MYOF: variants seen among roughly 807,000 people sequenced by gnomAD.
The protein encoded by MYOF is fer-1-like 3, myoferlin.
MYOF carries 244 observed loss-of-function variants against 284.2 expected under a neutral mutation model. The observed-to-expected ratio is 0.86, with a 90% CI of 0.77 to 0.95. The LOEUF (loss-of-function observed/expected upper bound fraction) is 0.95, where lower values mean the gene tolerates loss of function less well. Ranked by LOEUF, MYOF falls within the 40% of genes least tolerant of loss-of-function variation. The pLI, the probability that MYOF is intolerant of heterozygous loss-of-function variation, is 0.00. For synonymous variants in MYOF, 904 were observed against 919.7 expected (o/e 0.98, Z 0.31); for missense variants, 2,496 against 2,560.6 (o/e 0.97, Z 0.54).
chr10:93,307,930 C>T (rs963511009), intron 53 of MYOF, among the ~76,000 whole-genome samples: 7 of 150,604 alleles, frequency 4.6e-5, no homozygotes, highest in Non-Finnish European at 1.0e-4. Flanking sequence ...CGGCTGCCAA[C>T]AGAATCTAAA....
intron 2 of MYOF, among the ~76,000 whole-genome samples, chr10:93,453,675 G>T (rs2056657940): frequency 6.6e-6 from 1 of 152,150 alleles, no homozygotes; most frequent in Non-Finnish European, 1.5e-5. Flanking sequence ...GGGAGGCTGA[G>T]GCAAGGAGTT....
chr10:93,424,929 A>ACTT (rs1848514918), intron 5 of MYOF, among the ~76,000 whole-genome samples: 1 of 77,738 alleles, frequency 1.3e-5, no homozygotes, highest in Non-Finnish European at 2.3e-5. Context: ...GGAGAATTCC[A>ACTT]TTTTTTTTTT....
In MYOF at chr10:93,306,761, T is replaced by C; in HGVS notation, c.*202A>G. The C allele has an allele frequency of 1.8e-6, 1 of 570,344 alleles. No individual in the cohort carries two copies. Among genetic ancestry groups the C allele is most frequent in the South Asian group, 2.5e-5 (1 of 39,998 alleles). 35.3% of individuals were successfully genotyped at this position (570,344 alleles called of 1,614,324 possible). ...CTTTAGAAAATAAAACTTTTAATAC[T>C]TAAGAGATAACATGATGCAAACGTT... On this transcript the variant is annotated 3_prime_UTR_variant, in exon 54 of 54. Coordinates refer to ENST00000359263, the MANE Select transcript of MYOF (RefSeq NM_013451.4).
intron 16 of MYOF, among the ~76,000 whole-genome samples, chr10:93,393,245 G>A (rs1012827798): frequency 1.3e-5 from 2 of 152,188 alleles, no homozygotes; most frequent in Non-Finnish European, 2.9e-5. Context: ...GGGGCCTGGC[G>A]AAGTTACCAG....
chr10:93,459,314 T>C (rs2056821948), intron 1 of MYOF, among the ~76,000 whole-genome samples: 1 of 152,186 alleles, frequency 6.6e-6, no homozygotes, highest in East Asian at 1.9e-4. Context: ...ATGCAAAGAA[T>C]TTTTAACTTA....
chr10:93,309,882 C>T (rs1564606411), intron 53 of MYOF, 138 bp downstream of exon 53: 1 of 1,040,060 alleles, frequency 9.6e-7, no homozygotes, highest in Non-Finnish European at 1.3e-6. Flanking sequence ...CTTTAAATTT[C>T]CCCAAAGCAG....
chr10:93,460,981 G>C (rs1977836), intron 1 of MYOF, among the ~76,000 whole-genome samples: 2,920 of 151,748 alleles, frequency 0.019, 31 homozygotes, highest in Non-Finnish European at 0.029. Flanking sequence ...TGTAATCCCC[G>C]ATACTCGGGT....
intron 1 of MYOF, among the ~76,000 whole-genome samples, chr10:93,469,994 C>T (rs982055135): frequency 6.6e-6 from 1 of 151,986 alleles, no homozygotes; most frequent in Non-Finnish European, 1.5e-5. Context: ...TTTGGGAGGC[C>T]AAGGCGGGCA....
intron 3 of MYOF, among the ~76,000 whole-genome samples, chr10:93,434,528 G>T (rs1399166568): frequency 4.0e-5 from 6 of 151,548 alleles, no homozygotes; most frequent in Non-Finnish European, 8.8e-5. Context: ...AGCCCTTTTT[G>T]GTCAATACAG....
intron 43 of MYOF, among the ~76,000 whole-genome samples, chr10:93,331,720 G>C (rs2797585): frequency 1.4e-5 from 2 of 138,790 alleles, no homozygotes; most frequent in South Asian, 2.4e-4. Context: ...GGGGTGGGGG[G>C]TGGGCAGGTG....
chr10:93,314,961 GGATC>G (rs1442328037), intron 50 of MYOF, among the ~76,000 whole-genome samples: 1 of 152,148 alleles, frequency 6.6e-6, no homozygotes, highest in East Asian at 1.9e-4. Flanking sequence ...GAGGTTGGGA[GGATC>G]GCCTGAGCCC....
At chr10:93,371,595 A>G (rs2422205) in intron 24 of MYOF, among the ~76,000 whole-genome samples, 34,219 of 152,182 alleles carry the variant, frequency 0.22, 5,455 homozygotes, top group East Asian at 0.86. Flanking sequence ...TATGTAATTG[A>G]TGTAATTTAT....
At chr10:93,361,338 G>T in intron 28 of MYOF, 114 bp downstream of exon 28, 3 of 976,600 alleles carry the variant, frequency 3.1e-6, no homozygotes, top group Middle Eastern at 3.1e-4. Context: ...GGGGGCTGGG[G>T]ACTCCTGCCA....
chr10:93,398,416 TCTTGTTTG>T (rs1272496381), intron 13 of MYOF, among the ~76,000 whole-genome samples: 1 of 152,240 alleles, frequency 6.6e-6, no homozygotes. Flanking sequence ...TTATTCAGTT[TCTTGTTTG>T]CTTGTTTATT....
At chr10:93,361,071 C>T (rs564693947) in intron 28 of MYOF, among the ~76,000 whole-genome samples, 4 of 152,178 alleles carry the variant, frequency 2.6e-5, no homozygotes, top group South Asian at 4.1e-4. Context: ...CACCAAGGAC[C>T]GGTTCCATGG....
chr10:93,475,698 C>T lies in MYOF; in HGVS notation c.88+6409G>A, dbSNP rs1328987209. Among the ~76,000 whole-genome samples, 2 of 152,184 alleles carry T rather than the reference C, an allele frequency of 1.3e-5. 1 individual carries two copies. The highest frequency in any genetic ancestry group is 2.9e-5 in the Non-Finnish European group (2 of 68,036). ...TGTTGCAGAGGATATAACAATCCCA[C>T]ACCTTCTTGGCAGGGCCAAATCCTA... On this transcript the variant is annotated intron_variant, in intron 1 of 53. Coordinates refer to ENST00000359263, the MANE Select transcript of MYOF (RefSeq NM_013451.4).
At chr10:93,391,097 T>C (rs1028135807) in intron 17 of MYOF, among the ~76,000 whole-genome samples, 2 of 152,250 alleles carry the variant, frequency 1.3e-5, no homozygotes, top group African/African-American at 4.8e-5. Context: ...TGTATTTGCT[T>C]TTTGTTAAAG....
chr10:93,388,986 C>T, intron 18 of MYOF, 44 bp downstream of exon 18: 19 of 1,597,658 alleles, frequency 1.2e-5, no homozygotes, highest in Non-Finnish European at 1.4e-5. Flanking sequence ...AAATAATCAC[C>T]TTAACCAATG....
At chr10:93,360,885 G>C (rs1430768716) in intron 28 of MYOF, among the ~76,000 whole-genome samples, 2 of 152,110 alleles carry the variant, frequency 1.3e-5, no homozygotes, top group African/African-American at 4.8e-5. Context: ...GGATCCCCAA[G>C]CATCTCAAAA....
Sources: allele counts gnomAD v4.1 joint callset (sites outside exome capture counted in the v4.1 genomes callset), GRCh38; gene constraint gnomAD v4.1.1; transcripts MANE v1.5; gene names NCBI Gene and HGNC (gene_info 2026-07-23, HGNC 2026-07-21).